Variants in SLC9D1 observed in about 807,000 individuals in gnomAD.
The protein encoded by SLC9D1 is solute carrier family 9 member D1.
chr13:113,498,075 T>C, the SLC9D1 span, among the ~76,000 whole-genome samples: 2 of 152,254 alleles, frequency 1.3e-5, no homozygotes, highest in Non-Finnish European at 2.9e-5. Context: ...TTTGTGTGAA[T>C]GGATGACCTA....
the SLC9D1 span, among the ~76,000 whole-genome samples, chr13:113,493,640 T>A: frequency 6.6e-6 from 1 of 152,276 alleles, no homozygotes; most frequent in African/African-American, 2.4e-5. Flanking sequence ...TCATTTATCC[T>A]ATCTTGTTAG....
At chr13:113,539,497 C>T in the SLC9D1 span, 120 of 1,612,158 alleles carry the variant, frequency 7.4e-5, 1 homozygote, top group Middle Eastern at 1.6e-4. The surrounding 1 kb of genome is among the most constrained non-coding windows in gnomAD (Gnocchi z 4.8). Flanking sequence ...TCGTTTTCTT[C>T]GCCTCCATAG....
the SLC9D1 span, among the ~76,000 whole-genome samples, chr13:113,521,561 C>T: frequency 5.4e-3 from 816 of 151,712 alleles, 4 homozygotes; most frequent in Middle Eastern, 0.037. Context: ...GGTGTGTATG[C>T]GTGTAGGAGA....
chr13:113,526,858 G>A, the SLC9D1 span, among the ~76,000 whole-genome samples: 2 of 152,258 alleles, frequency 1.3e-5, no homozygotes, highest in South Asian at 2.1e-4. Flanking sequence ...CTGTACAGGT[G>A]TGCCATTTTT....
the SLC9D1 span, among the ~76,000 whole-genome samples, chr13:113,497,331 TGTGTGTGAGATCTGCAG>T: frequency 6.6e-6 from 1 of 150,508 alleles, no homozygotes; most frequent in Admixed American, 6.6e-5. Context: ...GACCTGCAGC[TGTGTGTGAGATCTGCAG>T]CTGTGTGAGA....
chr13:113,539,232 G>A, the SLC9D1 span: 138,573 of 882,268 alleles, frequency 0.16, 12,327 homozygotes, highest in Admixed American at 0.34. The surrounding 1 kb of genome is among the most constrained non-coding windows in gnomAD (Gnocchi z 4.8). Context: ...ACACACACAC[G>A]CTCTGTTTGT....
chr13:113,492,753 C>T, the SLC9D1 span, among the ~76,000 whole-genome samples: 1 of 152,106 alleles, frequency 6.6e-6, no homozygotes, highest in African/African-American at 2.4e-5. Flanking sequence ...CAAAAATTAG[C>T]TGGGTGTGGT....
the SLC9D1 span, among the ~76,000 whole-genome samples, chr13:113,521,143 A>G: frequency 1.3e-5 from 2 of 151,354 alleles, no homozygotes; most frequent in African/African-American, 2.4e-5. Context: ...TAGGTAGGGT[A>G]TATCTGTGTG....
the SLC9D1 span, among the ~76,000 whole-genome samples, chr13:113,513,665 T>C: frequency 6.6e-6 from 1 of 152,184 alleles, no homozygotes; most frequent in African/African-American, 2.4e-5. Flanking sequence ...AGCTGTGACC[T>C]TTGAGGATAA....
chr13:113,549,555 G>T, the SLC9D1 span: 1 of 1,613,902 alleles, frequency 6.2e-7, no homozygotes. Context: ...GGAGATGATG[G>T]ACCGTGGAAG....
chr13:113,521,780 A>T, the SLC9D1 span, among the ~76,000 whole-genome samples: 1 of 152,202 alleles, frequency 6.6e-6, no homozygotes, highest in Non-Finnish European at 1.5e-5. Context: ...TATCAGCCAG[A>T]AAATAAGGAC....
chr13:113,510,935 C>T, the SLC9D1 span, among the ~76,000 whole-genome samples: 27,534 of 148,698 alleles, frequency 0.19, 3,581 homozygotes, highest in African/African-American at 0.32. Flanking sequence ...TAGTGGAAGC[C>T]GACTTGCTCG....
the SLC9D1 span, among the ~76,000 whole-genome samples, chr13:113,545,212 C>T: frequency 6.6e-6 from 1 of 152,230 alleles, no homozygotes; most frequent in Non-Finnish European, 1.5e-5. Flanking sequence ...AGGCACATAC[C>T]TCACATGGCA....
the SLC9D1 span, among the ~76,000 whole-genome samples, chr13:113,541,279 TAC>T: frequency 1.6e-3 from 226 of 141,870 alleles, 9 homozygotes; most frequent in African/African-American, 5.7e-3. Flanking sequence ...GTGTGGATGA[TAC>T]GCACACGATT....
chr13:113,497,092 C>CAGACCTGCAGCTGTGTGAT, the SLC9D1 span, among the ~76,000 whole-genome samples: 1 of 150,094 alleles, frequency 6.7e-6, no homozygotes, highest in Non-Finnish European at 1.5e-5. Context: ...AGCTGTGTGT[C>CAGACCTGCAGCTGTGTGAT]AGACCTGCAG....
the SLC9D1 span, among the ~76,000 whole-genome samples, chr13:113,525,933 CTG>C: frequency 6.6e-6 from 1 of 151,288 alleles, no homozygotes; most frequent in Non-Finnish European, 1.5e-5. Flanking sequence ...GACGACAGCT[CTG>C]TGCCGGTTAT....
chr13:113,502,278 A>G, the SLC9D1 span, among the ~76,000 whole-genome samples: 2 of 152,092 alleles, frequency 1.3e-5, no homozygotes, highest in Non-Finnish European at 2.9e-5. Flanking sequence ...CAATGGTGCA[A>G]TCTTGGCTCA....
chr13:113,496,041 GGAGAGA>G, the SLC9D1 span: 1 of 1,507,552 alleles, frequency 6.6e-7, no homozygotes, highest in Non-Finnish European at 9.0e-7. Context: ...TCCTAGAGAG[GGAGAGA>G]GAGAGAGAGG....
chr13:113,491,584 G>C, the SLC9D1 span, among the ~76,000 whole-genome samples: 2 of 151,420 alleles, frequency 1.3e-5, no homozygotes, highest in Non-Finnish European at 3.0e-5. Context: ...TTTTCTTGCA[G>C]GTATTGTCTC....
Sources: allele counts gnomAD v4.1 joint callset (sites outside exome capture counted in the v4.1 genomes callset), GRCh38; gene constraint gnomAD v4.1.1; non-coding constraint Gnocchi (gnomAD v3.1); transcripts MANE v1.5; gene names NCBI Gene and HGNC (gene_info 2026-07-23, HGNC 2026-07-21).